The following PARD3 variants were observed in gnomAD, a reference collection of about 807,000 sequenced individuals.
The protein encoded by PARD3 is par-3 family cell polarity regulator, also known as partitioning defective 3 homolog.
Under a neutral mutation model 155.4 loss-of-function variants are expected in PARD3, and 75 were observed. The observed-to-expected ratio is 0.48, with a 90% CI of 0.40 to 0.58. The LOEUF (loss-of-function observed/expected upper bound fraction) is 0.58, where lower values mean the gene tolerates loss of function less well. Ranked by LOEUF, PARD3 falls within the 20% of genes least tolerant of loss-of-function variation. PARD3 has a pLI of 0.00. For missense variants in PARD3, 1,642 were observed against 1,721.7 expected (o/e 0.95, Z 0.82); for synonymous variants, 576 against 610.5 (o/e 0.94, Z 0.83).
At position 34,490,585 on chromosome 10, in the gene PARD3, G is replaced by A. The variant is rs188422839; in HGVS notation, c.404-20322C>T. 2.0e-3 allele frequency among the ~76,000 whole-genome samples: 299 copies of A among 152,244 alleles called. 3 individuals carry two copies. Among genetic ancestry groups the A allele is most frequent in the Non-Finnish European group, 2.4e-3 (160 of 68,022 alleles). On this transcript the variant is annotated intron_variant, in intron 3 of 24. Coordinates refer to ENST00000374788, the MANE Select transcript of PARD3 (RefSeq NM_001184785.2). Reference sequence around the variant, plus strand: ...TGGGATTACAGGCATGAGCCACCACGCCCAGCCTGTCAATATAGTCTTGTG... The same window carrying A: ...TGGGATTACAGGCATGAGCCACCACACCCAGCCTGTCAATATAGTCTTGTG...
chr10:34,116,377 A>C (rs1946671145), intron 24 of PARD3, among the ~76,000 whole-genome samples: 1 of 152,238 alleles, frequency 6.6e-6, no homozygotes, highest in Non-Finnish European at 1.5e-5. Context: ...CAACTTGTTT[A>C]GACAAAACTC....
At chr10:34,743,842 A>G (rs2095060742) in intron 1 of PARD3, among the ~76,000 whole-genome samples, 2 of 152,058 alleles carry the variant, frequency 1.3e-5, no homozygotes, top group African/African-American at 2.4e-5. Context: ...CCCCACAATC[A>G]CGCCTGGCTG....
At chr10:34,684,784 C>T (rs866491468) in intron 2 of PARD3, among the ~76,000 whole-genome samples, 376 of 19,954 alleles carry the variant, frequency 0.019, 1 homozygote, top group African/African-American at 0.095. Flanking sequence ...TACATACACA[C>T]ACACACACAC....
At chr10:34,127,291 T>C (rs1393499073) in intron 23 of PARD3, among the ~76,000 whole-genome samples, 3 of 152,210 alleles carry the variant, frequency 2.0e-5, no homozygotes, top group Non-Finnish European at 1.5e-5. Flanking sequence ...CTCATCAATC[T>C]GAGTTCTCAA....
intron 2 of PARD3, among the ~76,000 whole-genome samples, chr10:34,659,420 C>T (rs1016614214): frequency 6.6e-6 from 1 of 152,036 alleles, no homozygotes; most frequent in Non-Finnish European, 1.5e-5. Flanking sequence ...TTAATCTTCG[C>T]CAAAACTGTT....
intron 2 of PARD3, among the ~76,000 whole-genome samples, chr10:34,597,284 T>C (rs1276209772): frequency 2.0e-5 from 3 of 151,816 alleles, no homozygotes; most frequent in Non-Finnish European, 4.4e-5. Flanking sequence ...CGCTTTTTTT[T>C]GTTTTTGTTT....
intron 2 of PARD3, among the ~76,000 whole-genome samples, chr10:34,615,775 GA>G (rs2091209414): frequency 1.3e-5 from 2 of 152,092 alleles, no homozygotes; most frequent in South Asian, 4.2e-4. Flanking sequence ...TTAAAAATGA[GA>G]AAATGATCTA....
intron 22 of PARD3, among the ~76,000 whole-genome samples, chr10:34,259,692 G>A (rs1298042367): frequency 6.6e-6 from 1 of 152,244 alleles, no homozygotes; most frequent in African/African-American, 2.4e-5. Context: ...AACCAGAGAT[G>A]TGGGAGAGAA....
rs115853216 is a variant in PARD3, at chr10:34,614,619, T to C, written c.222+81699A>G. ...ACATATATTTAAAAGATTTTAAAGA[T>C]GTCTAAATGTCTAACACATATTTAA... On this transcript the variant is annotated intron_variant, in intron 2 of 24. Transcript: ENST00000374788. Among the ~76,000 whole-genome samples, 799 of 152,378 alleles carry C rather than the reference T, an allele frequency of 5.2e-3. 1 individual carries two copies. The highest frequency in any genetic ancestry group is 0.018 in the African/African-American group (749 of 41,594).
At chr10:34,701,121 G>A (rs895842714) in intron 1 of PARD3, among the ~76,000 whole-genome samples, 27 of 152,178 alleles carry the variant, frequency 1.8e-4, no homozygotes, top group African/African-American at 6.0e-4. Flanking sequence ...TCATGGGGAG[G>A]TTTTAGCAGA....
intron 2 of PARD3, among the ~76,000 whole-genome samples, chr10:34,666,828 C>CAT (rs2093496999): frequency 8.6e-6 from 1 of 116,500 alleles, no homozygotes; most frequent in East Asian, 2.5e-4. Context: ...CACACACACA[C>CAT]ACACACACAA....
At chr10:34,413,245 A>G (rs564992080) in intron 5 of PARD3, among the ~76,000 whole-genome samples, 24 of 152,254 alleles carry the variant, frequency 1.6e-4, no homozygotes, top group Non-Finnish European at 1.9e-4. Context: ...GACGGTAGGT[A>G]TATTTTTAAA....
chr10:34,411,484 G>T (rs1845045521), intron 5 of PARD3, among the ~76,000 whole-genome samples: 1 of 127,266 alleles, frequency 7.9e-6, no homozygotes, highest in Admixed American at 7.3e-5. Flanking sequence ...GAACAAAAAG[G>T]CTGAGGAAGA....
chr10:34,736,850 T>C (rs1273839982), intron 1 of PARD3, among the ~76,000 whole-genome samples: 1 of 152,022 alleles, frequency 6.6e-6, no homozygotes, highest in Non-Finnish European at 1.5e-5. Context: ...CTAATTTTTG[T>C]ATTTTTAGTA....
intron 22 of PARD3, among the ~76,000 whole-genome samples, chr10:34,239,518 T>C (rs1953442644): frequency 6.6e-6 from 1 of 152,162 alleles, no homozygotes; most frequent in African/African-American, 2.4e-5. Context: ...TTGGTGTTTG[T>C]GGGCCTGGTA....
rs1839216461 is a variant in PARD3 at position 34,359,355 on chromosome 10, A to G, written c.1897-38T>C. 9.6e-6 allele frequency: 14 copies of G among 1,456,254 alleles called. No individual in the cohort carries two copies. The East Asian group carries it at 3.2e-4, about 33-fold the overall frequency. 90.2% of individuals were successfully genotyped at this position (1,456,254 alleles called of 1,614,324 possible). A position where few individuals can be genotyped will look rare whatever the true frequency, so the allele number is the denominator to read the frequency against. On this transcript the variant is annotated intron_variant, in intron 13 of 24. Transcript: ENST00000374788. The stretch of plus-strand genomic sequence containing the variant: ...CAGGTAAAAATAAGTGCTATTAAAC[A>G]GACTGCTATAAAAGAAGTAGCTTTT...
intron 4 of PARD3, among the ~76,000 whole-genome samples, chr10:34,454,356 T>C (rs1228994880): frequency 6.6e-6 from 1 of 152,110 alleles, no homozygotes; most frequent in Non-Finnish European, 1.5e-5. Flanking sequence ...TACAACACAA[T>C]TTATACTAGA....
intron 14 of PARD3, among the ~76,000 whole-genome samples, chr10:34,354,334 C>G (rs543701528): frequency 7.9e-5 from 12 of 151,416 alleles, no homozygotes; most frequent in Middle Eastern, 3.4e-3. Context: ...GCTGAGATCA[C>G]GCCACTGCAC....
intron 15 of PARD3, chr10:34,343,630 G>GT: frequency 1.0e-6 from 1 of 985,284 alleles, no homozygotes. Context: ...TTATACCAGG[G>GT]TAATGGACAG....
Sources: gnomAD v4.1 joint callset for allele counts (sites outside exome capture counted in the v4.1 genomes callset) on GRCh38, gnomAD v4.1.1 for gene constraint, MANE v1.5 for transcripts, NCBI Gene and HGNC (gene_info 2026-07-23, HGNC 2026-07-21) for gene names.